PRUNE2: variants seen among roughly 807,000 people sequenced by gnomAD.
The protein encoded by PRUNE2 is protein prune homolog 2.
A neutral mutation model predicts 252.0 loss-of-function variants in PRUNE2; 164 were observed. The ratio of observed to expected loss-of-function variants is 0.65; its 90% CI spans 0.57 to 0.74. The LOEUF (loss-of-function observed/expected upper bound fraction) is 0.74. PRUNE2 is among the 30% of genes least tolerant of loss of function. PRUNE2 has a pLI of 0.00. For missense variants in PRUNE2, 3,495 were observed against 3,711.0 expected (o/e 0.94, Z 1.51); for synonymous variants, 1,292 against 1,350.2 (o/e 0.96, Z 0.94).
intron 1 of PRUNE2, among the ~76,000 whole-genome samples, chr9:76,896,906 C>T (rs2062855711): frequency 6.6e-6 from 1 of 152,214 alleles, no homozygotes; most frequent in African/African-American, 2.4e-5. Flanking sequence ...TTGTTCTTAA[C>T]ATTTCACCAA....
Position 76,710,093 on chromosome 9 carries a change from G to A in PRUNE2, c.2181C>T (p.Ser727=). The change falls in exon 8 of 19, where the codon AGC becomes AGT. Residue 727 remains serine (S), a synonymous_variant. Coordinates refer to ENST00000376718, the MANE Select transcript of PRUNE2 (RefSeq NM_015225.3). The stretch of plus-strand genomic sequence containing the variant: ...CCTCATTTTTGTCTTGAATATCATT[G>A]CTACCCAGTTCAGGCTGACCAAATT... ...ESEFGQPELG[S]NDIQDKNEES... is the part of the protein sequence containing the mutation. The A allele has an allele frequency of 6.2e-7, 1 of 1,613,912 alleles. No individual in the cohort carries two copies. Among genetic ancestry groups the A allele is most frequent in the African/African-American group, 1.3e-5 (1 of 75,022 alleles).
intron 9 of PRUNE2, among the ~76,000 whole-genome samples, chr9:76,693,431 C>A (rs924794824): frequency 4.2e-5 from 5 of 120,050 alleles, no homozygotes; most frequent in African/African-American, 1.7e-4. Context: ...GAGATGTTAG[C>A]ACCTACTCTT....
intron 15 of PRUNE2, among the ~76,000 whole-genome samples, chr9:76,629,990 T>C (rs1161675031): frequency 4.6e-5 from 7 of 152,136 alleles, no homozygotes; most frequent in Non-Finnish European, 8.8e-5. Flanking sequence ...TTACCCAAGG[T>C]CTCACCATTA....
rs1304081715 is a variant in PRUNE2, at chr9:76,638,338, A to T, written c.8729-50T>A. The T allele has an allele frequency of 4.0e-6, 5 of 1,259,068 alleles. 1 individual carries two copies. The highest frequency in any genetic ancestry group is 1.7e-5 in the Admixed American group (1 of 58,074). 78.0% of individuals were successfully genotyped at this position (1,259,068 alleles called of 1,614,324 possible). A position where few individuals can be genotyped will look rare whatever the true frequency, so the allele number is the denominator to read the frequency against. ...TGTAACCAATTGAAAGCTCTTAACA[A>T]GGTAATATCTGACCTAATGGATAAA... is the stretch of plus-strand genomic sequence containing the variant. On this transcript the variant is annotated intron_variant, in intron 12 of 18. Coordinates refer to ENST00000376718, the MANE Select transcript of PRUNE2 (RefSeq NM_015225.3).
intron 1 of PRUNE2, among the ~76,000 whole-genome samples, chr9:76,894,292 T>A (rs1030439332): frequency 3.3e-5 from 5 of 152,124 alleles, no homozygotes; most frequent in Non-Finnish European, 7.4e-5. Context: ...TCATACCCCA[T>A]AGTTTGACCA....
chr9:76,691,073 T>A (rs930342718), intron 9 of PRUNE2, among the ~76,000 whole-genome samples: 1 of 152,232 alleles, frequency 6.6e-6, no homozygotes, highest in Non-Finnish European at 1.5e-5. Flanking sequence ...AAGAAAACTT[T>A]CATCAGATGA....
intron 9 of PRUNE2, among the ~76,000 whole-genome samples, chr9:76,698,196 GCCA>G (rs902600884): frequency 3.0e-4 from 45 of 152,146 alleles, no homozygotes; most frequent in African/African-American, 1.0e-3. Flanking sequence ...ACAGGCGTGT[GCCA>G]CCATGCCTGG....
chr9:76,880,905 T>C (rs1229625405), intron 1 of PRUNE2, among the ~76,000 whole-genome samples: 2 of 152,002 alleles, frequency 1.3e-5, no homozygotes, highest in Non-Finnish European at 2.9e-5. Context: ...TCTAATATGG[T>C]AAATATTGAT....
At chr9:76,791,113 C>A (rs1272947238) in intron 6 of PRUNE2, among the ~76,000 whole-genome samples, 1 of 152,276 alleles carries the variant, frequency 6.6e-6, no homozygotes, top group Non-Finnish European at 1.5e-5. Context: ...TCAAAGGGCA[C>A]AAACTTTCAG....
intron 6 of PRUNE2, among the ~76,000 whole-genome samples, chr9:76,744,289 T>G (rs1438545443): frequency 6.6e-6 from 1 of 152,168 alleles, no homozygotes. Flanking sequence ...TAAAGGGAAT[T>G]AAAGCACTAG....
rs959265078 is a variant in PRUNE2, at chr9:76,703,784, G to C, written c.7829C>G (p.Ser2610Cys). 9 of 1,613,876 alleles carry C rather than the reference G, an allele frequency of 5.6e-6. No homozygotes were observed. The South Asian group carries it at 9.9e-5, about 18-fold the overall frequency. The change falls in exon 9 of 19, where the codon TCT (serine) becomes TGT (cysteine). Residue 2610 changes from serine to cysteine, a missense_variant. By Grantham distance (112) the Ser-to-Cys change is moderately radical. Transcript: ENST00000376718. ...PASLNERKGL[S>C]AEKMSSKSDT... Reference sequence around the variant, plus strand: ...GCTTTTAGAAGACATTTTCTCTGCAGAGAGACCTTTTCTTTCATTTAAGGA... The same window carrying C: ...GCTTTTAGAAGACATTTTCTCTGCACAGAGACCTTTTCTTTCATTTAAGGA...
At chr9:76,763,781 AG>A (rs2052009328) in intron 6 of PRUNE2, among the ~76,000 whole-genome samples, 1 of 152,018 alleles carries the variant, frequency 6.6e-6, no homozygotes. Context: ...GGGAAGAGGG[AG>A]TGGGATAAAG....
At chr9:76,677,982 C>T (rs558795659) in intron 9 of PRUNE2, among the ~76,000 whole-genome samples, 1 of 152,288 alleles carries the variant, frequency 6.6e-6, no homozygotes, top group Non-Finnish European at 1.5e-5. Context: ...TTTATGCCAG[C>T]GTTTGCCAGA....
chr9:76,724,303 CAAAAAAAAAA>C (rs796291956), intron 6 of PRUNE2, among the ~76,000 whole-genome samples: 1,865 of 69,430 alleles, frequency 0.027, 45 homozygotes, highest in African/African-American at 0.094. Flanking sequence ...GATAGAAATA[CAAAAAAAAAA>C]AAAAAAAAAA....
At chr9:76,850,418 C>T (rs896367359) in intron 3 of PRUNE2, 45 bp downstream of exon 3, 31 of 1,477,456 alleles carry the variant, frequency 2.1e-5, no homozygotes, top group Non-Finnish European at 2.7e-5. Flanking sequence ...CCCAGTAGAA[C>T]CTTCATTGAG....
At chr9:76,819,069 T>A (rs1024544160) in intron 6 of PRUNE2, among the ~76,000 whole-genome samples, 2 of 151,998 alleles carry the variant, frequency 1.3e-5, no homozygotes, top group African/African-American at 4.8e-5. Context: ...TTGGGCAACA[T>A]GGCAAACCCC....
chr9:76,657,825 T>C (rs1638462154), intron 9 of PRUNE2, among the ~76,000 whole-genome samples: 1 of 152,202 alleles, frequency 6.6e-6, no homozygotes, highest in African/African-American at 2.4e-5. Context: ...TTAGTCCAGG[T>C]AAAAGATAAT....
intron 6 of PRUNE2, among the ~76,000 whole-genome samples, chr9:76,815,305 C>A (rs2057612941): frequency 6.6e-6 from 1 of 152,192 alleles, no homozygotes; most frequent in African/African-American, 2.4e-5. Context: ...TCCATACAGG[C>A]TGCAATAACA....
At chr9:76,775,399 C>T (rs201577883) in intron 6 of PRUNE2, among the ~76,000 whole-genome samples, 4 of 152,098 alleles carry the variant, frequency 2.6e-5, no homozygotes, top group East Asian at 3.9e-4. Context: ...CAGGCTCAAG[C>T]GATCCTCTCA....
Sources: allele counts gnomAD v4.1 joint callset (sites outside exome capture counted in the v4.1 genomes callset), GRCh38; gene constraint gnomAD v4.1.1; transcripts MANE v1.5; gene names NCBI Gene and HGNC (gene_info 2026-07-23, HGNC 2026-07-21).